Variants in ADAMTS12 observed in about 807,000 individuals in gnomAD.
The protein encoded by ADAMTS12 is ADAM metallopeptidase with thrombospondin type 1 motif 12.
Under a neutral mutation model 167.8 loss-of-function variants are expected in ADAMTS12, and 118 were observed. The observed-to-expected ratio is 0.70, with a 90% confidence interval of 0.61 to 0.82. The LOEUF (loss-of-function observed/expected upper bound fraction) is 0.82, where lower values mean the gene tolerates loss of function less well. Ranked by LOEUF, ADAMTS12 falls within the 40% of genes least tolerant of loss-of-function variation. The pLI, the probability that ADAMTS12 is intolerant of heterozygous loss-of-function variation, is 0.00. For missense variants in ADAMTS12, 1,916 were observed against 1,998.8 expected (o/e 0.96, Z 0.79); for synonymous variants, 704 against 716.9 (o/e 0.98, Z 0.29).
chr5:33,535,564 G>A (rs1051052772), intron 22 of ADAMTS12, among the ~76,000 whole-genome samples: 1 of 152,184 alleles, frequency 6.6e-6, no homozygotes, highest in African/African-American at 2.4e-5. Flanking sequence ...ACGGGAATGA[G>A]GGAGGCATTG....
chr5:33,637,491 G>A (rs4076945), intron 12 of ADAMTS12, 86 bp downstream of exon 12: 1,068,368 of 1,392,078 alleles, frequency 0.77, 417,297 homozygotes, highest in Non-Finnish European at 0.81. Context: ...TAAGCTTTGT[G>A]TGGATCACAG....
rs767615449 is a variant in ADAMTS12, at chr5:33,661,899, T to C, written c.1040+17A>G. The C allele has an allele frequency of 6.2e-7, 1 of 1,612,826 alleles. No homozygotes were observed. The highest frequency in any genetic ancestry group is 2.2e-5 in the East Asian group (1 of 44,860). On this transcript the variant is annotated intron_variant, in intron 6 of 23. Coordinates refer to ENST00000504830, the MANE Select transcript of ADAMTS12 (RefSeq NM_030955.4). ...CCTGCTTTACTGCCCCTGGGTTTCA[T>C]GTAGTCTCTGGTGTACCTGGTGAGA...
intron 3 of ADAMTS12, among the ~76,000 whole-genome samples, chr5:33,729,069 A>G (rs1220640876): frequency 6.6e-6 from 1 of 152,258 alleles, no homozygotes; most frequent in Admixed American, 6.5e-5. Flanking sequence ...TAACAATATT[A>G]GCTTGGTATG....
chr5:33,696,366 A>T (rs1030295232), intron 3 of ADAMTS12, among the ~76,000 whole-genome samples: 1 of 149,012 alleles, frequency 6.7e-6, no homozygotes, highest in Non-Finnish European at 1.5e-5. Flanking sequence ...GCTTGCAGTG[A>T]GCCGAGATCG....
intron 2 of ADAMTS12, among the ~76,000 whole-genome samples, chr5:33,843,176 A>T (rs1748806884): frequency 6.6e-6 from 1 of 152,238 alleles, no homozygotes; most frequent in African/African-American, 2.4e-5. Flanking sequence ...GAGGTGGACT[A>T]GCAGAAGGCC....
Position 33,879,299 on chromosome 5 carries a change from G to A in ADAMTS12, c.489+1820C>T, listed in dbSNP as rs566409797. Among the ~76,000 whole-genome samples, 70 of 152,100 alleles carry A rather than the reference G, an allele frequency of 4.6e-4. 1 individual carries two copies. Among genetic ancestry groups the A allele is most frequent in the African/African-American group, 1.7e-3 (69 of 41,498 alleles). ...TTGTAATGAGCTCCCCATTCAATGT[G>A]ATGTTGATTCTGCAGGTCCACAGAC... On this transcript the variant is annotated intron_variant, in intron 2 of 23. Coordinates refer to ENST00000504830, the MANE Select transcript of ADAMTS12 (RefSeq NM_030955.4).
chr5:33,632,538 G>A (rs1344918980), intron 12 of ADAMTS12, among the ~76,000 whole-genome samples: 1 of 152,208 alleles, frequency 6.6e-6, no homozygotes, highest in Non-Finnish European at 1.5e-5. Context: ...GAGATCATTG[G>A]ATAAACAGCC....
chr5:33,563,129 ATTTG>A (rs1745828138), intron 19 of ADAMTS12, among the ~76,000 whole-genome samples: 1 of 151,958 alleles, frequency 6.6e-6, no homozygotes, highest in Non-Finnish European at 1.5e-5. Context: ...ATTCTTTAGG[ATTTG>A]TTTCTTTTGT....
At chr5:33,639,033 T>C (rs1232476849) in intron 11 of ADAMTS12, among the ~76,000 whole-genome samples, 1 of 152,216 alleles carries the variant, frequency 6.6e-6, no homozygotes, top group Non-Finnish European at 1.5e-5. Flanking sequence ...GAATTTGGTA[T>C]TATCTTTTTG....
Position 33,576,352 on chromosome 5 carries a change from C to T in ADAMTS12, c.3674G>A (p.Arg1225Lys). Residue 1225 changes from arginine to lysine, a missense_variant, in exon 19 of 24, where the codon AGG becomes AAG. Transcript: ENST00000504830. ...TGTCCCAGTTTCGGAAGTAGTGGGC[C>T]TTTGGCTGGGGAGCAGTCCTTCCAT... ...TVMEGLLPSQ[R>K]PTTSETGTPR... 1 of 1,614,148 alleles carries T rather than the reference C, an allele frequency of 6.2e-7. No individual in the cohort carries two copies. The highest frequency in any genetic ancestry group is 8.5e-7 in the Non-Finnish European group (1 of 1,180,016).
intron 3 of ADAMTS12, among the ~76,000 whole-genome samples, chr5:33,715,733 C>A (rs544959891): frequency 1.3e-5 from 2 of 152,192 alleles, no homozygotes; most frequent in East Asian, 3.9e-4. Context: ...ATGAAACCAG[C>A]CTTTTTTGTG....
chr5:33,613,406 G>A lies in ADAMTS12; in HGVS notation c.2527+832C>T, dbSNP rs149172589. On this transcript the variant is annotated intron_variant, in intron 16 of 23. Coordinates refer to ENST00000504830, the MANE Select transcript of ADAMTS12 (RefSeq NM_030955.4). ...GATTCCATGCTCCTCAAATGTCCAC[G>A]TACCCCTCCATAATTGCCAGCCTCC... Among the ~76,000 whole-genome samples, 421 of 152,184 alleles carry A rather than the reference G, an allele frequency of 2.8e-3. 3 individuals are homozygous for A. The highest frequency in any genetic ancestry group is 0.014 in the Middle Eastern group (4 of 294).
intron 13 of ADAMTS12, among the ~76,000 whole-genome samples, chr5:33,626,973 G>C (rs1739671778): frequency 6.6e-6 from 1 of 150,682 alleles, no homozygotes; most frequent in South Asian, 2.1e-4. Context: ...TTATGTGGTA[G>C]TGGTAATGAT....
chr5:33,891,733 G>A lies in ADAMTS12; in HGVS notation c.124C>T (p.Gln42Ter). The A allele has an allele frequency of 6.2e-7, 1 of 1,614,164 alleles. No individual in the cohort carries two copies. The change falls in exon 1 of 24, where the codon CAA (glutamine) becomes TAA (stop). Residue 42 changes from glutamine to a stop codon, truncating the protein, a stop_gained. Coordinates refer to ENST00000504830, the MANE Select transcript of ADAMTS12 (RefSeq NM_030955.4). LOFTEE classifies it high-confidence loss of function. Reference sequence around the variant, plus strand: ...GAAATAAAGAAGAGTCACTAACCTTGCCTCCTGTCCGGGAAGCGAACCGGG... The same window carrying A: ...GAAATAAAGAAGAGTCACTAACCTTACCTCCTGTCCGGGAAGCGAACCGGG... ...PGPVRFPDRRQEHFIKGLPEY... is the reference protein window; with the variant it reads ...PGPVRFPDRR
At chr5:33,647,179 G>A (rs4866412) in intron 9 of ADAMTS12, among the ~76,000 whole-genome samples, 86,574 of 151,918 alleles carry the variant, frequency 0.57, 25,258 homozygotes, top group East Asian at 0.67. Context: ...ACATAAGGCC[G>A]GAGAGCAAGA....
At chr5:33,689,880 G>A (rs960415244) in intron 3 of ADAMTS12, among the ~76,000 whole-genome samples, 6 of 152,198 alleles carry the variant, frequency 3.9e-5, no homozygotes, top group Non-Finnish European at 8.8e-5. Flanking sequence ...GTAAAGAAAA[G>A]AATGAACCCC....
chr5:33,791,626 C>A (rs1248980194), intron 2 of ADAMTS12, among the ~76,000 whole-genome samples: 1 of 152,182 alleles, frequency 6.6e-6, no homozygotes, highest in Non-Finnish European at 1.5e-5. Context: ...TGGAAATTCT[C>A]TAGAGAAAAT....
chr5:33,535,121 G>A (rs879944326), intron 22 of ADAMTS12, 129 bp from the exon 23 acceptor site: 1 of 931,820 alleles, frequency 1.1e-6, no homozygotes, highest in African/African-American at 1.7e-5. Context: ...CTTTTTGGAG[G>A]AGTCATAGAA....
intron 2 of ADAMTS12, among the ~76,000 whole-genome samples, chr5:33,835,851 G>A (rs559567399): frequency 6.6e-6 from 1 of 151,614 alleles, no homozygotes; most frequent in Admixed American, 6.6e-5. Flanking sequence ...AAAATACAGA[G>A]CAGTATAAGA....
Sources: gnomAD v4.1 joint callset for allele counts (sites outside exome capture counted in the v4.1 genomes callset) on GRCh38, gnomAD v4.1.1 for gene constraint, MANE v1.5 for transcripts, NCBI Gene and HGNC (gene_info 2026-07-23, HGNC 2026-07-21) for gene names.